Variants in CFAP91 observed in about 807,000 individuals in gnomAD.
CFAP91 encodes the protein cilia- and flagella-associated protein 91.
A neutral mutation model predicts 95.9 loss-of-function variants in CFAP91; 85 were observed. The ratio of observed to expected loss-of-function variants is 0.89; its 90% CI spans 0.74 to 1.06. The LOEUF (loss-of-function observed/expected upper bound fraction) is 1.06, where lower values mean the gene tolerates loss of function less well. Ranked by LOEUF, CFAP91 falls within the 50% of genes least tolerant of loss-of-function variation. CFAP91 has a pLI of 0.00. For synonymous variants in CFAP91, 335 were observed against 327.5 expected (o/e 1.02, Z -0.25); for missense variants, 962 against 943.4 (o/e 1.02, Z -0.26).
At chr3:119,740,826 T>A in intron 13 of CFAP91, 131 bp downstream of exon 13, 1 of 960,130 alleles carries the variant, frequency 1.0e-6, no homozygotes, top group Non-Finnish European at 1.6e-6. Context: ...CCCATCACTC[T>A]GTCAGCATTT....
chr3:119,703,041 C>A lies in CFAP91; in HGVS notation c.-58C>A. The A allele has an allele frequency of 3.3e-6, 5 of 1,530,422 alleles. No homozygotes were observed. The highest frequency in any genetic ancestry group is 4.4e-6 in the Non-Finnish European group (5 of 1,133,412). 94.8% of individuals were successfully genotyped at this position (1,530,422 alleles called of 1,614,324 possible). A position where few individuals can be genotyped will look rare whatever the true frequency, so the allele number is the denominator to read the frequency against. On this transcript the variant is annotated 5_prime_UTR_variant, in exon 1 of 18. Transcript: ENST00000273390. Reference sequence around the variant, plus strand: ...GCGGCCGTTACCATAGCGACGTGCACGCAGTAGCCAGGCCTGACCCGCTGG... The same window carrying A: ...GCGGCCGTTACCATAGCGACGTGCAAGCAGTAGCCAGGCCTGACCCGCTGG...
intron 11 of CFAP91, 90 bp downstream of exon 11, chr3:119,737,572 T>C: frequency 1.4e-6 from 1 of 739,114 alleles, no homozygotes; most frequent in Non-Finnish European, 2.2e-6. Context: ...AAATCTAATT[T>C]AGCAGTGTTA....
At chr3:119,743,134 CTT>C (rs1028044541) in intron 13 of CFAP91, among the ~76,000 whole-genome samples, 12 of 137,058 alleles carry the variant, frequency 8.8e-5, no homozygotes, top group African/African-American at 2.1e-4. Context: ...GTTTCCTGTG[CTT>C]TTTTTTTTTT....
At chr3:119,724,023 G>T (rs1295874221) in intron 6 of CFAP91, among the ~76,000 whole-genome samples, 1 of 152,014 alleles carries the variant, frequency 6.6e-6, no homozygotes, top group Non-Finnish European at 1.5e-5. Flanking sequence ...AATGAGCCAG[G>T]CGTGGTGGCA....
At chr3:119,739,218 G>A (rs749855431) in intron 11 of CFAP91, 37 bp from the exon 12 acceptor site, 7 of 1,566,996 alleles carry the variant, frequency 4.5e-6, no homozygotes, top group Non-Finnish European at 6.2e-6. Flanking sequence ...GACTACTGCA[G>A]TTCTCAAGCT....
chr3:119,740,872 T>C, intron 13 of CFAP91, 177 bp downstream of exon 13: 1 of 730,620 alleles, frequency 1.4e-6, no homozygotes, highest in South Asian at 1.8e-5. Flanking sequence ...TGTGTGTGTG[T>C]GTGATGGAGT....
chr3:119,750,960 A>G lies in CFAP91; in HGVS notation c.2167A>G (p.Ile723Val), dbSNP rs1326266913. The change falls in exon 17 of 18, where the codon ATT becomes GTT. Residue 723 changes from isoleucine (I) to valine (V), a missense_variant. By Grantham distance (29) the Ile-to-Val change is conservative. Coordinates refer to ENST00000273390, the MANE Select transcript of CFAP91 (RefSeq NM_033364.4). ...AGTGAGGAACGCACAGCGGAAACAT[A>G]TTCTTGCAGCCCATCAGATCATCCA... ...EKVRNAQRKH[I>V]LAAHQIIHSY... 1.9e-6 allele frequency: 3 copies of G among 1,614,028 alleles called. No individual in the cohort carries two copies. In the Admixed American group the frequency reaches 5.0e-5, roughly 27 times the overall value.
intron 11 of CFAP91, among the ~76,000 whole-genome samples, chr3:119,738,743 C>T (rs1250153115): frequency 6.6e-6 from 1 of 152,126 alleles, no homozygotes; most frequent in Non-Finnish European, 1.5e-5. Context: ...TTTCCAGACC[C>T]TGCTTTTTCT....
chr3:119,708,575 T>C lies in CFAP91; in HGVS notation c.360-16T>C. On this transcript the variant is annotated splice_polypyrimidine_tract_variant and intron_variant, in intron 3 of 17. Transcript: ENST00000273390. Reference sequence around the variant, plus strand: ...AATATTTTAGACTTGAATAATGTTTTCTTGCTTCATTTTAGAACTGACGCT... The same window carrying C: ...AATATTTTAGACTTGAATAATGTTTCCTTGCTTCATTTTAGAACTGACGCT... 1 of 1,538,108 alleles carries C rather than the reference T, an allele frequency of 6.5e-7. No homozygotes were observed. The highest frequency in any genetic ancestry group is 8.9e-7 in the Non-Finnish European group (1 of 1,119,386).
chr3:119,715,460 A>G lies in CFAP91; in HGVS notation c.501-102A>G, dbSNP rs998468734. The G allele has an allele frequency of 1.5e-5, 14 of 953,154 alleles. No homozygotes were observed. In the African/African-American group the frequency reaches 2.3e-4, roughly 15 times the overall value. 59.0% of individuals were successfully genotyped at this position (953,154 alleles called of 1,614,324 possible). ...TGTACCTGTCAACATTTAAAAGAGG[A>G]ATGGACTTGACAAAGCTTCGAAGAT... On this transcript the variant is annotated intron_variant, in intron 5 of 17. Coordinates refer to ENST00000273390, the MANE Select transcript of CFAP91 (RefSeq NM_033364.4).
rs138648548 is a variant in CFAP91 at position 119,728,308 on chromosome 3, G to A, written c.861-1912G>A. ...ATCAACATTACCTTGGAACTTGGTA[G>A]CAATGAGGTGATCAGGCCCCATCCC... On this transcript the variant is annotated intron_variant, in intron 7 of 17. Coordinates refer to ENST00000273390, the MANE Select transcript of CFAP91 (RefSeq NM_033364.4). 2.7e-3 allele frequency among the ~76,000 whole-genome samples: 414 copies of A among 152,302 alleles called. 1 individual carries two copies. The highest frequency in any genetic ancestry group is 9.2e-3 in the African/African-American group (382 of 41,574).
At chr3:119,720,117 G>A (rs1046595911) in intron 6 of CFAP91, among the ~76,000 whole-genome samples, 22 of 151,084 alleles carry the variant, frequency 1.5e-4, no homozygotes, top group Middle Eastern at 3.4e-3. Context: ...GGCCGGACGC[G>A]GTGGCTCACC....
chr3:119,740,835 TTG>T (rs57901016), intron 13 of CFAP91, 140 bp downstream of exon 13: 37,325 of 510,658 alleles, frequency 0.073, 665 homozygotes, highest in East Asian at 0.32. Flanking sequence ...CTGTCAGCAT[TTG>T]TGTGTGTGTG....
chr3:119,715,475 G>T (rs1423867381), intron 5 of CFAP91, 87 bp from the exon 6 acceptor site: 1 of 1,124,810 alleles, frequency 8.9e-7, no homozygotes, highest in Admixed American at 1.8e-5. Flanking sequence ...ACTTGACAAA[G>T]CTTCGAAGAT....
At chr3:119,756,355 A>G (rs1323372604) in intron 17 of CFAP91, among the ~76,000 whole-genome samples, 1 of 152,176 alleles carries the variant, frequency 6.6e-6, no homozygotes, top group Admixed American at 6.5e-5. Flanking sequence ...TCATGCAAAC[A>G]TATTCTTCAA....
chr3:119,717,938 A>G (rs944466475), intron 6 of CFAP91, among the ~76,000 whole-genome samples: 7 of 151,950 alleles, frequency 4.6e-5, no homozygotes, highest in African/African-American at 1.7e-4. Flanking sequence ...ACCTGGAAAT[A>G]GCTCCAGGTG....
chr3:119,715,390 T>C, intron 5 of CFAP91, 172 bp from the exon 6 acceptor site: 1 of 722,686 alleles, frequency 1.4e-6, no homozygotes. Flanking sequence ...GGCAATTCTC[T>C]CAAGATTTGT....
chr3:119,710,805 G>A (rs1453188974), intron 5 of CFAP91, among the ~76,000 whole-genome samples: 1 of 152,174 alleles, frequency 6.6e-6, no homozygotes, highest in East Asian at 1.9e-4. Context: ...CCCCACAACG[G>A]AGTGAACCAA....
At chr3:119,744,972 C>T (rs879474346) in intron 14 of CFAP91, among the ~76,000 whole-genome samples, 1 of 152,092 alleles carries the variant, frequency 6.6e-6, no homozygotes, top group Admixed American at 6.5e-5. Flanking sequence ...AGAAATGGAA[C>T]AGAGGAGCTA....
Sources: gnomAD v4.1 joint callset for allele counts (sites outside exome capture counted in the v4.1 genomes callset) on GRCh38, gnomAD v4.1.1 for gene constraint, MANE v1.5 for transcripts, NCBI Gene and HGNC (gene_info 2026-07-23, HGNC 2026-07-21) for gene names.